Variants in RPA1 observed in about 807,000 individuals in gnomAD.
The protein encoded by RPA1 is replication protein A 70 kDa DNA-binding subunit.
Under a neutral mutation model 83.0 loss-of-function variants are expected in RPA1, and 49 were observed. The observed-to-expected ratio is 0.59, with a 90% CI of 0.47 to 0.75. The LOEUF is 0.75. Ranked by LOEUF, RPA1 falls within the 30% of genes least tolerant of loss-of-function variation. The pLI is 0.00. For synonymous variants in RPA1, 279 were observed against 281.8 expected, an observed-to-expected ratio of 0.99 and a Z score of 0.10; for missense variants, 693 against 776.1, an observed-to-expected ratio of 0.89 and a Z score of 1.27.
At chr17:1,847,542 A>G (rs1001950456) in intron 4 of RPA1, among the ~76,000 whole-genome samples, 14 of 152,132 alleles carry the variant, frequency 9.2e-5, no homozygotes, top group Non-Finnish European at 1.8e-4. Context: ...GGCTGGGTTT[A>G]TTTACTCCTT....
intron 1 of RPA1, among the ~76,000 whole-genome samples, chr17:1,837,579 C>T (rs1423843717): frequency 6.6e-6 from 1 of 152,164 alleles, no homozygotes; most frequent in Non-Finnish European, 1.5e-5. Context: ...CTAGTTGCTC[C>T]ATATCCTTGC....
At chr17:1,894,912 A>G (rs1330187097) in intron 15 of RPA1, 97 bp from the exon 16 acceptor site, 2 of 896,928 alleles carry the variant, frequency 2.2e-6, no homozygotes, top group Non-Finnish European at 3.6e-6. Flanking sequence ...GAAACTACCC[A>G]GGAGATGCAT....
At chr17:1,839,406 A>T (rs1347095264) in intron 1 of RPA1, among the ~76,000 whole-genome samples, 1 of 146,834 alleles carries the variant, frequency 6.8e-6, no homozygotes, top group African/African-American at 2.5e-5. Flanking sequence ...GCTCACTGCA[A>T]CCTCCACCTC....
intron 13 of RPA1, among the ~76,000 whole-genome samples, chr17:1,887,284 G>A (rs11869860): frequency 5.3e-5 from 8 of 152,092 alleles, no homozygotes; most frequent in East Asian, 1.9e-4. Context: ...TAGGCCAGGC[G>A]CGGTGGCTCA....
rs1224063631 is a variant in RPA1, at chr17:1,897,140, C to G, written c.1816C>G (p.Leu606Val). The change falls in exon 17 of 17, where the codon CTG becomes GTG. Residue 606 changes from leucine (L) to valine (V), a missense_variant. Transcript: ENST00000254719. ...GGACTACAGAGAGTATGGCCGAAGG[C>G]TGGTCATGAGCATCAGGAGAAGTGC... ...PVDYREYGRRLVMSIRRSALM is the reference protein window; with the variant it reads ...PVDYREYGRRVVMSIRRSALM 1 of 1,564,306 alleles carries G rather than the reference C, an allele frequency of 6.4e-7. No individual in the cohort carries two copies. Among genetic ancestry groups the G allele is most frequent in the East Asian group, 2.4e-5 (1 of 41,996 alleles).
At chr17:1,830,796 C>G (rs886768438) in intron 1 of RPA1, among the ~76,000 whole-genome samples, 15 of 151,328 alleles carry the variant, frequency 9.9e-5, no homozygotes, top group African/African-American at 2.9e-4. Context: ...CTGGGCGACA[C>G]TCACTGTCGC....
intron 5 of RPA1, among the ~76,000 whole-genome samples, chr17:1,858,881 TTTTA>T (rs1267813351): frequency 2.7e-5 from 4 of 148,634 alleles, no homozygotes; most frequent in African/African-American, 9.9e-5. Flanking sequence ...TTTTGTTTTA[TTTTA>T]TTTATTTATT....
At chr17:1,866,059 G>A (rs2151281260) in intron 5 of RPA1, among the ~76,000 whole-genome samples, 1 of 152,116 alleles carries the variant, frequency 6.6e-6, no homozygotes, top group African/African-American at 2.4e-5. Context: ...TGGGCAACAT[G>A]ACGAAACCCT....
chr17:1,892,836 T>C (rs959954398), intron 15 of RPA1, among the ~76,000 whole-genome samples: 1 of 152,260 alleles, frequency 6.6e-6, no homozygotes, highest in African/African-American at 2.4e-5. Flanking sequence ...GTTTATTTAA[T>C]GTACAGAATA....
rs1276778958 is a variant in RPA1, at chr17:1,898,193, T to C, written c.*1018T>C. 2 of 152,242 alleles carry C rather than the reference T, an allele frequency of 1.3e-5. No individual in the cohort carries two copies. The highest frequency in any genetic ancestry group is 6.5e-5 in the Admixed American group (1 of 15,278). The allele number at this position is 152,242 out of a possible 1,614,324, so 9.4% of individuals were successfully genotyped here. On this transcript the variant is annotated 3_prime_UTR_variant, in exon 17 of 17. Transcript: ENST00000254719. Reference sequence around the variant, plus strand: ...TAAACCCGAAGATTAGTCCAAGGCATGGAGATCCTTCTTCCTAGTGTTTGC... The same window carrying C: ...TAAACCCGAAGATTAGTCCAAGGCACGGAGATCCTTCTTCCTAGTGTTTGC...
At chr17:1,883,389 T>C (rs1343120066) in intron 12 of RPA1, among the ~76,000 whole-genome samples, 4 of 152,018 alleles carry the variant, frequency 2.6e-5, no homozygotes, top group African/African-American at 9.7e-5. Flanking sequence ...TCTTGATCTC[T>C]TGACCTCGTG....
intron 4 of RPA1, among the ~76,000 whole-genome samples, chr17:1,849,740 T>C (rs1033020809): frequency 6.6e-6 from 1 of 152,148 alleles, no homozygotes; most frequent in African/African-American, 2.4e-5. Context: ...CAATGCAGTG[T>C]TGATCGTGGA....
intron 1 of RPA1, among the ~76,000 whole-genome samples, chr17:1,838,603 CA>C (rs60835355): frequency 0.53 from 58,970 of 110,676 alleles, 12,500 homozygotes; most frequent in African/African-American, 0.58. Context: ...AACTCAGTCT[CA>C]AAAAAAAAAA....
At chr17:1,866,314 T>C (rs1386810409) in intron 5 of RPA1, among the ~76,000 whole-genome samples, 3 of 152,030 alleles carry the variant, frequency 2.0e-5, no homozygotes, top group African/African-American at 7.2e-5. Flanking sequence ...GAGATCTTTT[T>C]TTTTTCTTTT....
In RPA1 at chr17:1,888,672, A is replaced by G; in HGVS notation, c.1375-3A>G. The G allele has an allele frequency of 6.2e-7, 1 of 1,607,918 alleles. No individual in the cohort carries two copies. Among genetic ancestry groups the G allele is most frequent in the Non-Finnish European group, 8.5e-7 (1 of 1,175,298 alleles). Reference sequence around the variant, plus strand: ...TGCCTCATGCTGTTCTTTTCTCCCGAAGCCGGACTACTTTAGTTCTGTGGC... The same window carrying G: ...TGCCTCATGCTGTTCTTTTCTCCCGGAGCCGGACTACTTTAGTTCTGTGGC... On this transcript the variant is annotated splice_region_variant and splice_polypyrimidine_tract_variant and intron_variant, in intron 13 of 16. Transcript: ENST00000254719.
At chr17:1,835,988 A>G (rs1911803420) in intron 1 of RPA1, among the ~76,000 whole-genome samples, 1 of 152,144 alleles carries the variant, frequency 6.6e-6, no homozygotes, top group Non-Finnish European at 1.5e-5. Context: ...AGAAAGAAAG[A>G]GGTGTTTAAT....
At chr17:1,832,747 A>G (rs896395421) in intron 1 of RPA1, among the ~76,000 whole-genome samples, 5 of 152,220 alleles carry the variant, frequency 3.3e-5, no homozygotes, top group Admixed American at 2.6e-4. Flanking sequence ...TTTCTGTAAA[A>G]TGAGAGCAAT....
intron 5 of RPA1, among the ~76,000 whole-genome samples, chr17:1,855,323 G>A (rs939820325): frequency 1.4e-5 from 2 of 144,160 alleles, no homozygotes; most frequent in Non-Finnish European, 3.0e-5. Flanking sequence ...CACCACACCC[G>A]GCTAAAATTG....
At chr17:1,848,855 C>A (rs894160848) in intron 4 of RPA1, among the ~76,000 whole-genome samples, 5 of 152,080 alleles carry the variant, frequency 3.3e-5, no homozygotes, top group Non-Finnish European at 2.9e-5. Flanking sequence ...TGAGCCACCG[C>A]ACCCAGCCTG....
Sources: gnomAD v4.1 joint callset for allele counts (sites outside exome capture counted in the v4.1 genomes callset) on GRCh38, gnomAD v4.1.1 for gene constraint, MANE v1.5 for transcripts, NCBI Gene and HGNC (gene_info 2026-07-23, HGNC 2026-07-21) for gene names.